POLA2: variants seen among roughly 807,000 people sequenced by gnomAD.
The protein encoded by POLA2 is DNA polymerase alpha subunit B.
POLA2 carries 47 observed loss-of-function variants against 82.8 expected under a neutral mutation model. The observed-to-expected ratio is 0.57, with a 90% confidence interval of 0.45 to 0.72. The LOEUF (loss-of-function observed/expected upper bound fraction) is 0.72, where lower values mean the gene tolerates loss of function less well. Among genes scored for constraint, POLA2 ranks in the 30% least tolerant of loss-of-function variants. POLA2 has a pLI of 0.00. For missense variants in POLA2, 634 were observed against 728.1 expected, an observed-to-expected ratio of 0.87 and a Z score of 1.49; for synonymous variants, 287 against 286.8, an observed-to-expected ratio of 1.00 and a Z score of -0.01.
At position 65,296,072 on chromosome 11, in the gene POLA2, C is replaced by T. The variant is rs537735717; in HGVS notation, c.1647+82C>T. ...CTTCTAGACCACCCGGCACTCACCC[C>T]TCATGGGTCAGCTGATGGGGATGGG... On this transcript the variant is annotated intron_variant, in intron 17 of 17. Transcript: ENST00000265465. 2.6e-6 allele frequency: 4 copies of T among 1,512,350 alleles called. No homozygotes were observed. The African/African-American group carries it at 4.1e-5, about 16-fold the overall frequency. 93.7% of individuals were successfully genotyped at this position (1,512,350 alleles called of 1,614,324 possible). A position where few individuals can be genotyped will look rare whatever the true frequency, so the allele number is the denominator to read the frequency against.
chr11:65,264,539 TCTC>T (rs1019929270), intron 1 of POLA2, among the ~76,000 whole-genome samples: 4 of 152,098 alleles, frequency 2.6e-5, no homozygotes, highest in South Asian at 2.1e-4. Context: ...TTTTCCACCT[TCTC>T]CTGTAACATC....
intron 1 of POLA2, among the ~76,000 whole-genome samples, chr11:65,264,230 G>A (rs572852231): frequency 1.3e-5 from 2 of 152,196 alleles, no homozygotes; most frequent in Admixed American, 6.5e-5. Flanking sequence ...ACCACGCCCG[G>A]CTAATTTTTT....
intron 7 of POLA2, chr11:65,280,637 G>C (rs754990304): frequency 3.3e-4 from 79 of 240,396 alleles, no homozygotes; most frequent in Admixed American, 1.7e-3. Context: ...AGAAATGTTA[G>C]CTATTATTAA....
intron 5 of POLA2, among the ~76,000 whole-genome samples, chr11:65,276,915 C>T (rs1041132247): frequency 4.4e-4 from 66 of 151,718 alleles, no homozygotes; most frequent in African/African-American, 1.5e-3. Flanking sequence ...CTCAGCTTCC[C>T]GAGTAGCTGG....
intron 9 of POLA2, 97 bp from the exon 10 acceptor site, chr11:65,282,382 C>T: frequency 1.0e-6 from 1 of 970,640 alleles, no homozygotes; most frequent in Non-Finnish European, 1.7e-6. Context: ...GTCCTCCCAT[C>T]ACACACCTGC....
chr11:65,299,076 C>T (rs1032048191), downstream of POLA2, among the ~76,000 whole-genome samples: 7 of 152,222 alleles, frequency 4.6e-5, no homozygotes, highest in South Asian at 8.3e-4. Flanking sequence ...GCTGGCTGAC[C>T]GTCCCTAGAC....
intron 4 of POLA2, among the ~76,000 whole-genome samples, chr11:65,271,963 A>G (rs935749960): frequency 1.3e-5 from 2 of 152,130 alleles, no homozygotes; most frequent in Admixed American, 1.3e-4. Flanking sequence ...TACTTATCAC[A>G]TGGAAATTGT....
intron 8 of POLA2, among the ~76,000 whole-genome samples, chr11:65,304,585 C>T (rs1382754039): frequency 6.6e-6 from 1 of 152,160 alleles, no homozygotes; most frequent in Non-Finnish European, 1.5e-5. Context: ...CCAGAGTTTC[C>T]CACGGTATCA....
chr11:65,296,102 C>A, intron 17 of POLA2, 112 bp downstream of exon 17: 1 of 1,168,302 alleles, frequency 8.6e-7, no homozygotes. Context: ...GATGGGGCCT[C>A]TAGCACCCTG....
intron 4 of POLA2, among the ~76,000 whole-genome samples, chr11:65,274,321 C>A (rs1565473586): frequency 6.6e-6 from 1 of 151,116 alleles, no homozygotes; most frequent in Non-Finnish European, 1.5e-5. Flanking sequence ...GAGCCGAGAT[C>A]GCACATCGCA....
rs1340604340 is a variant in POLA2 at position 65,281,080 on chromosome 11, A to G, written c.833A>G (p.His278Arg). 1.9e-6 allele frequency: 3 copies of G among 1,614,142 alleles called. No individual in the cohort carries two copies. Among genetic ancestry groups the G allele is most frequent in the Non-Finnish European group, 2.5e-6 (3 of 1,179,986 alleles). ...KSVILEGDRE[H>R]SSGAQIPVDL... Reference sequence around the variant, plus strand: ...GTGATTCTCGAGGGAGACCGGGAACATTCCTCGGGTGCTCAAATTCCAGTG... The same window carrying G: ...GTGATTCTCGAGGGAGACCGGGAACGTTCCTCGGGTGCTCAAATTCCAGTG... Residue 278 changes from histidine (H) to arginine (R), a missense_variant, in exon 8 of 18, where the codon CAT becomes CGT. Physicochemically the swap from His to Arg is conservative, Grantham distance 29. Coordinates refer to ENST00000265465, the MANE Select transcript of POLA2 (RefSeq NM_002689.4).
chr11:65,294,089 C>A, intron 13 of POLA2, 64 bp from the exon 14 acceptor site: 1 of 1,399,302 alleles, frequency 7.1e-7, no homozygotes, highest in Non-Finnish European at 1.0e-6. Flanking sequence ...ACCTGTTGCG[C>A]AGCTGTTCTA....
intron 1 of POLA2, among the ~76,000 whole-genome samples, chr11:65,263,059 T>C (rs1001624362): frequency 1.3e-5 from 2 of 152,118 alleles, no homozygotes; most frequent in Non-Finnish European, 2.9e-5. Flanking sequence ...CTGGGAGATG[T>C]GGAAGTTCTA....
intron 15 of POLA2, 146 bp downstream of exon 15, chr11:65,294,798 T>C: frequency 1.8e-6 from 1 of 563,440 alleles, no homozygotes; most frequent in Non-Finnish European, 3.1e-6. Context: ...TCTAGCCATC[T>C]GAGTTTCTCT....
intron 2 of POLA2, among the ~76,000 whole-genome samples, chr11:65,267,203 CA>C (rs199806641): frequency 5.6e-5 from 8 of 143,776 alleles, no homozygotes; most frequent in African/African-American, 7.7e-5. Flanking sequence ...GACTCCATCT[CA>C]AAAAAAAAAG....
intron 1 of POLA2, among the ~76,000 whole-genome samples, chr11:65,263,885 A>G (rs1023019268): frequency 3.9e-5 from 6 of 152,238 alleles, no homozygotes; most frequent in Admixed American, 3.3e-4. Flanking sequence ...TGTATGTGGT[A>G]AGCATGAAAT....
At chr11:65,287,978 G>A in intron 11 of POLA2, 138 bp downstream of exon 11, 1 of 938,970 alleles carries the variant, frequency 1.1e-6, no homozygotes, top group South Asian at 1.7e-5. Flanking sequence ...TCTTTGGAGA[G>A]GTATATATAT....
rs763877979 is a variant in POLA2 at position 65,281,775 on chromosome 11, C to T, written c.963+43C>T. On this transcript the variant is annotated intron_variant, in intron 9 of 17. Transcript: ENST00000265465. The stretch of plus-strand genomic sequence containing the variant: ...CACTTGCCTCTTGGTTTGCTTCAGA[C>T]AAAGTATGTCTGGAAGCTGTCTGTT... 5.5e-6 allele frequency: 8 copies of T among 1,447,508 alleles called. No homozygotes were observed. The South Asian group carries it at 8.0e-5, about 14-fold the overall frequency. The allele number at this position is 1,447,508 out of a possible 1,614,324, so 89.7% of individuals were successfully genotyped here.
intron 7 of POLA2, chr11:65,279,926 A>G (rs1390761417): frequency 3.2e-6 from 1 of 315,272 alleles, no homozygotes; most frequent in East Asian, 5.8e-5. Flanking sequence ...CCACAAATAG[A>G]AGCATTCACG....
Sources: gnomAD v4.1 joint callset for allele counts (sites outside exome capture counted in the v4.1 genomes callset) on GRCh38, gnomAD v4.1.1 for gene constraint, MANE v1.5 for transcripts, NCBI Gene and HGNC (gene_info 2026-07-23, HGNC 2026-07-21) for gene names.